The following LINGO3 variants were observed in gnomAD, a reference collection of about 807,000 sequenced individuals.
LINGO3 encodes leucine rich repeat and Ig domain containing 3.
For missense variants in LINGO3, 750 were observed against 867.7 expected (o/e 0.86, Z 1.70); for synonymous variants, 427 against 444.2 (o/e 0.96, Z 0.49).
the LINGO3 span, among the ~76,000 whole-genome samples, chr19:2,307,407 C>A: frequency 6.6e-6 from 1 of 152,206 alleles, no homozygotes; most frequent in South Asian, 2.1e-4. Flanking sequence ...AGGTGCTGCT[C>A]CCCTAAACTT....
At chr19:2,288,989 G>A (rs541872680), downstream of LINGO3, among the ~76,000 whole-genome samples, 1 of 151,102 alleles carries the variant, frequency 6.6e-6, no homozygotes, top group East Asian at 2.0e-4. The surrounding 1 kb of genome is among the most constrained non-coding windows in gnomAD (Gnocchi z 6.5). Context: ...GGTGTGAGCT[G>A]TGTGTGTCCC....
upstream of LINGO3, among the ~76,000 whole-genome samples, chr19:2,294,370 C>T (rs1019170493): frequency 4.6e-5 from 7 of 152,042 alleles, no homozygotes; most frequent in Non-Finnish European, 8.8e-5. This position sits in a 1 kb window ranked among gnomAD's most constrained non-coding sequence, Gnocchi z 4.3. Flanking sequence ...AGAGGGCCCC[C>T]GGCCCTGCGG....
chr19:2,296,016 C>A (rs375062568), upstream of LINGO3, among the ~76,000 whole-genome samples: 4 of 151,510 alleles, frequency 2.6e-5, no homozygotes, highest in East Asian at 1.9e-4. Flanking sequence ...AGGGGGCATG[C>A]CCCCCCCAAC....
chr19:2,289,202 G>A (rs1022786371), downstream of LINGO3, among the ~76,000 whole-genome samples: 12 of 150,200 alleles, frequency 8.0e-5, no homozygotes, highest in African/African-American at 2.7e-4. Context: ...TGTGTGTCCC[G>A]GGTGTGAGCT....
At chr19:2,291,234 C>T (rs777925869) in exon 1 of LINGO3, 19 of 1,611,672 alleles carry the variant, frequency 1.2e-5, no homozygotes, top group Non-Finnish European at 2.5e-6. Flanking sequence ...TGCAGCGCTC[C>T]AGGGTCAGCT....
chr19:2,294,384 C>T (rs1019234401), upstream of LINGO3, among the ~76,000 whole-genome samples: 6 of 152,228 alleles, frequency 3.9e-5, no homozygotes, highest in East Asian at 1.2e-3. This position sits in a 1 kb window ranked among gnomAD's most constrained non-coding sequence, Gnocchi z 4.3. Context: ...CCTGCGGACA[C>T]CTTGATTTTG....
chr19:2,290,873 C>T lies in LINGO3; in HGVS notation c.904G>A (p.Ala302Thr), dbSNP rs1461396103. 1.2e-6 allele frequency: 2 copies of T among 1,611,338 alleles called. No individual in the cohort carries two copies. The highest frequency in any genetic ancestry group is 1.7e-4 in the Middle Eastern group (1 of 6,052). Reference sequence around the variant, plus strand: ...TCCACCACAGCCAGCAGGGCCCCGGCCAGGTGCAGCTCGCGCAGGCGGACC... The same window carrying T: ...TCCACCACAGCCAGCAGGGCCCCGGTCAGGTGCAGCTCGCGCAGGCGGACC... Residue 302 changes from alanine (A) to threonine (T), a missense_variant, in exon 1 of 1, where the codon GCC becomes ACC. By Grantham distance (58) the Ala-to-Thr change is moderately conservative (BLOSUM62 0). Transcript: ENST00000585527. The surrounding 1 kb of genome is among the most constrained non-coding windows in gnomAD (Gnocchi z 6.0).
exon 1 of LINGO3, chr19:2,291,060 C>A (rs539053151): frequency 1.9e-6 from 3 of 1,610,116 alleles, no homozygotes; most frequent in South Asian, 1.1e-5. Context: ...GGCTGCCCGC[C>A]GCCACCTCCT....
chr19:2,296,959 G>T (rs2025578695), upstream of LINGO3, among the ~76,000 whole-genome samples: 1 of 151,670 alleles, frequency 6.6e-6, no homozygotes, highest in African/African-American at 2.4e-5. Flanking sequence ...GGGCGTGGTG[G>T]CGGGCGCCCG....
downstream of LINGO3, among the ~76,000 whole-genome samples, chr19:2,288,785 G>C (rs1448538975): frequency 6.6e-6 from 1 of 152,202 alleles, no homozygotes; most frequent in Non-Finnish European, 1.5e-5. The surrounding 1 kb of genome is among the most constrained non-coding windows in gnomAD (Gnocchi z 6.5). Flanking sequence ...GCTCAGCTGA[G>C]CAGGCGCTGG....
In LINGO3 at chr19:2,290,399, G is replaced by T; in HGVS notation, c.1378C>A (p.Leu460Ile). The change falls in exon 1 of 1, where the codon CTC (leucine) becomes ATC (isoleucine). Residue 460 changes from leucine (L) to isoleucine (I), a missense_variant. Leu to Ile is a conservative substitution (Grantham distance 5). Coordinates refer to ENST00000585527, the Ensembl canonical transcript of LINGO3. This position sits in a 1 kb window ranked among gnomAD's most constrained non-coding sequence, Gnocchi z 6.0. ...TGGATCTCCAGCGTCCCCCCGGGGAGCACGCGCGCCCGGCCCGCGCTGGTG... is the reference window on the plus strand; with the variant it reads ...TGGATCTCCAGCGTCCCCCCGGGGATCACGCGCGCCCGGCCCGCGCTGGTG... 6.9e-7 allele frequency: 1 copy of T among 1,444,022 alleles called. No homozygotes were observed. Among genetic ancestry groups the T allele is most frequent in the Non-Finnish European group, 9.0e-7 (1 of 1,105,834 alleles). The allele number at this position is 1,444,022 out of a possible 1,614,324, so 89.5% of individuals were successfully genotyped here. A position where few individuals can be genotyped will look rare whatever the true frequency, so the allele number is the denominator to read the frequency against.
chr19:2,293,142 G>A (rs112805227), upstream of LINGO3, among the ~76,000 whole-genome samples: 1,505 of 152,088 alleles, frequency 9.9e-3, 22 homozygotes, highest in African/African-American at 0.034. Context: ...TCACCTCACT[G>A]CAAGCTCTGC....
the LINGO3 span, among the ~76,000 whole-genome samples, chr19:2,307,838 C>A: frequency 6.6e-6 from 1 of 152,106 alleles, no homozygotes; most frequent in Non-Finnish European, 1.5e-5. Flanking sequence ...CGCTCCTTGG[C>A]GCCCCAGAGG....
chr19:2,290,447 G>A lies in LINGO3; in HGVS notation c.1330C>T (p.Pro444Ser). The A allele has an allele frequency of 6.9e-7, 1 of 1,450,562 alleles. No individual in the cohort carries two copies. The highest frequency in any genetic ancestry group is 9.0e-7 in the Non-Finnish European group (1 of 1,109,380). The allele number at this position is 1,450,562 out of a possible 1,614,324, so 89.9% of individuals were successfully genotyped here. The change falls in exon 1 of 1, where the codon CCC becomes TCC. Residue 444 changes from proline (P) to serine (S), a missense_variant. By Grantham distance (74) the Pro-to-Ser change is moderately conservative. Coordinates refer to ENST00000585527, the Ensembl canonical transcript of LINGO3. The surrounding 1 kb of genome is among the most constrained non-coding windows in gnomAD (Gnocchi z 6.0). ...GTGGCCGTCACCGGCCGGTGCTGGG[G>A]GGTCACCCAGGCCACGGTGGGCGCC...
At chr19:2,298,810 A>G in the LINGO3 span, among the ~76,000 whole-genome samples, 389 of 152,254 alleles carry the variant, frequency 2.6e-3, 3 homozygotes, top group African/African-American at 9.1e-3. Flanking sequence ...AAGTGCTGGG[A>G]TTACAGGCGT....
chr19:2,290,086 G>A lies in LINGO3; in HGVS notation c.1691C>T (p.Ser564Leu), dbSNP rs763953392. 1.9e-6 allele frequency: 3 copies of A among 1,589,270 alleles called. No homozygotes were observed. The highest frequency in any genetic ancestry group is 3.6e-5 in the Admixed American group (2 of 55,134). ...CACCTTGCGGAAGGAGTACTCCACC[G>A]AGAAGTTGTTTTTGTGCTGCCCGCG... Residue 564 changes from serine (S) to leucine (L), a missense_variant, in exon 1 of 1, where the codon TCG becomes TTG. Physicochemically the swap from Ser to Leu is moderately radical, Grantham distance 145. Coordinates refer to ENST00000585527, the Ensembl canonical transcript of LINGO3. This position sits in a 1 kb window ranked among gnomAD's most constrained non-coding sequence, Gnocchi z 6.0.
At chr19:2,287,337 C>T (rs532113927), downstream of LINGO3, among the ~76,000 whole-genome samples, 2 of 152,184 alleles carry the variant, frequency 1.3e-5, no homozygotes, top group East Asian at 1.9e-4. This position sits in a 1 kb window ranked among gnomAD's most constrained non-coding sequence, Gnocchi z 4.5. Flanking sequence ...GAATGCACCC[C>T]CTCCTGTCTT....
the LINGO3 span, among the ~76,000 whole-genome samples, chr19:2,297,386 C>G: frequency 9.9e-4 from 146 of 147,622 alleles, 1 homozygote; most frequent in Middle Eastern, 3.4e-3. Flanking sequence ...TTCACTGCAA[C>G]CTCCGCCTCC....
the LINGO3 span, among the ~76,000 whole-genome samples, chr19:2,304,455 A>G: frequency 1.3e-5 from 2 of 152,208 alleles, no homozygotes; most frequent in Non-Finnish European, 2.9e-5. Context: ...GGGCCTCTGC[A>G]GATGGGATTA....
Sources: allele counts gnomAD v4.1 joint callset (sites outside exome capture counted in the v4.1 genomes callset), GRCh38; gene constraint gnomAD v4.1.1; non-coding constraint Gnocchi (gnomAD v3.1); transcripts MANE v1.5; gene names NCBI Gene and HGNC (gene_info 2026-07-23, HGNC 2026-07-21).